COG2: variants seen among roughly 807,000 people sequenced by gnomAD.
COG2 encodes component of oligomeric golgi complex 2, also known as conserved oligomeric Golgi complex subunit 2.
Under a neutral mutation model 90.6 loss-of-function variants are expected in COG2, and 52 were observed. That is an observed-to-expected ratio of 0.57 (90% CI 0.46 to 0.72). The LOEUF (loss-of-function observed/expected upper bound fraction) is 0.72. Among genes scored for constraint, COG2 ranks in the 30% least tolerant of loss-of-function variants. The pLI, the probability that COG2 is intolerant of heterozygous loss-of-function variation, is 0.00. For synonymous variants in COG2, 337 were observed against 320.4 expected, an observed-to-expected ratio of 1.05 and a Z score of -0.55; for missense variants, 829 against 891.2, an observed-to-expected ratio of 0.93 and a Z score of 0.89.
chr1:230,685,200 G>A lies in COG2; in HGVS notation c.1344G>A (p.Leu448=). The A allele has an allele frequency of 6.2e-7, 1 of 1,614,186 alleles. No individual in the cohort carries two copies. The highest frequency in any genetic ancestry group is 8.5e-7 in the Non-Finnish European group (1 of 1,180,020). ...LLVHRLWRLT[L]QILARYSVFV... is the part of the protein sequence containing the mutation. The stretch of plus-strand genomic sequence containing the variant: ...TGCATCGCCTGTGGAGACTCACTCT[G>A]CAGATTTTGGCACGATACTCTGTGT... The change falls in exon 12 of 18, where the codon CTG becomes CTA. Residue 448 remains leucine (L), a synonymous_variant. Transcript: ENST00000366669.
At chr1:230,663,663 C>T (rs545346690) in intron 4 of COG2, among the ~76,000 whole-genome samples, 84 of 152,260 alleles carry the variant, frequency 5.5e-4, no homozygotes, top group Middle Eastern at 3.4e-3. Flanking sequence ...TGCTTTGTAA[C>T]TATTTATTTA....
intron 5 of COG2, among the ~76,000 whole-genome samples, chr1:230,667,810 G>A (rs1241857593): frequency 6.6e-6 from 1 of 152,014 alleles, no homozygotes; most frequent in African/African-American, 2.4e-5. Flanking sequence ...TCCCTAACTG[G>A]TGATGAGCCA....
chr1:230,660,726 G>GGT, intron 2 of COG2, 32 bp from the exon 3 acceptor site: 1 of 1,505,386 alleles, frequency 6.6e-7, no homozygotes, highest in Non-Finnish European at 9.0e-7. Flanking sequence ...TTGATTGTGA[G>GGT]GTGTGTGTGC....
intron 1 of COG2, among the ~76,000 whole-genome samples, chr1:230,650,535 A>G (rs1013010551): frequency 2.6e-5 from 4 of 152,044 alleles, no homozygotes; most frequent in African/African-American, 9.7e-5. Flanking sequence ...TCTTTTGCCC[A>G]CTTTTTAATG....
At chr1:230,690,261 G>T in intron 16 of COG2, 108 bp downstream of exon 16, 7 of 930,378 alleles carry the variant, frequency 7.5e-6, no homozygotes, top group Non-Finnish European at 1.2e-5. Context: ...AGACTGCCTA[G>T]CACTTCTTCA....
intron 16 of COG2, among the ~76,000 whole-genome samples, chr1:230,690,534 C>G (rs1326865690): frequency 6.6e-6 from 1 of 152,234 alleles, no homozygotes; most frequent in African/African-American, 2.4e-5. Context: ...ACTCAAAGGA[C>G]TTAGGTTGGT....
At chr1:230,646,933 C>G (rs1314961375) in intron 1 of COG2, among the ~76,000 whole-genome samples, 2 of 152,130 alleles carry the variant, frequency 1.3e-5, no homozygotes, top group Non-Finnish European at 2.9e-5. Flanking sequence ...CTCCTCTTTT[C>G]CCACTTTCTG....
chr1:230,662,360 A>G (rs1662201267), intron 3 of COG2, among the ~76,000 whole-genome samples: 1 of 152,202 alleles, frequency 6.6e-6, no homozygotes, highest in Non-Finnish European at 1.5e-5. Flanking sequence ...AATAGCTGGC[A>G]TTTAATAGGT....
intron 1 of COG2, among the ~76,000 whole-genome samples, chr1:230,644,230 G>A (rs1661701236): frequency 6.6e-6 from 1 of 152,204 alleles, no homozygotes; most frequent in Non-Finnish European, 1.5e-5. Context: ...TGAATATGCG[G>A]TACATTTTGT....
At chr1:230,681,638 G>A (rs2493142) in intron 10 of COG2, 101,669 of 152,178 alleles carry the variant, frequency 0.67, 34,690 homozygotes, top group Non-Finnish European at 0.75. Context: ...TGTATTTGGG[G>A]TTGCCCTTCT....
chr1:230,679,306 C>CCTTCCT, intron 10 of COG2: 1 of 320,458 alleles, frequency 3.1e-6, no homozygotes, highest in Non-Finnish European at 5.7e-6. Context: ...GGAGCTGACT[C>CCTTCCT]CAAGCCCAGC....
intron 12 of COG2, among the ~76,000 whole-genome samples, chr1:230,686,255 C>T (rs1662881996): frequency 6.6e-6 from 1 of 152,220 alleles, no homozygotes; most frequent in Non-Finnish European, 1.5e-5. Flanking sequence ...TTCCTCCGCT[C>T]AGAAGGGTCT....
chr1:230,653,378 G>A (rs568468183), intron 1 of COG2, among the ~76,000 whole-genome samples: 90 of 151,810 alleles, frequency 5.9e-4, no homozygotes, highest in Admixed American at 1.4e-3. Flanking sequence ...ATGCCACCAC[G>A]CCGGGCTAAT....
intron 15 of COG2, 139 bp from the exon 16 acceptor site, chr1:230,689,875 T>C: frequency 1.3e-6 from 1 of 799,038 alleles, no homozygotes; most frequent in Non-Finnish European, 1.9e-6. Flanking sequence ...CCAGTGTTAC[T>C]TTTGGGAGGG....
intron 8 of COG2, 100 bp downstream of exon 8, chr1:230,671,740 T>C (rs1243632539): frequency 2.8e-6 from 3 of 1,082,760 alleles, no homozygotes; most frequent in Non-Finnish European, 4.1e-6. Context: ...GTATGAACTG[T>C]CTTGTATGAA....
chr1:230,688,114 T>C lies in COG2; in HGVS notation c.1622T>C (p.Ile541Thr), dbSNP rs1662927499. Residue 541 changes from isoleucine to threonine, a missense_variant, in exon 14 of 18, where the codon ATT becomes ACT. Transcript: ENST00000366669. ...LEIIKPKLEM[I>T]GFKNFSSISA... ...ATAATCAAGCCAAAACTTGAAATGA[T>C]TGGCTTTAAGAATTTTTCTTCTATC... The C allele has an allele frequency of 6.2e-7, 1 of 1,600,740 alleles. No homozygotes were observed. Among genetic ancestry groups the C allele is most frequent in the Non-Finnish European group, 8.5e-7 (1 of 1,175,754 alleles).
intron 3 of COG2, 107 bp from the exon 4 acceptor site, chr1:230,663,034 T>C (rs982298313): frequency 1.4e-6 from 1 of 723,108 alleles, no homozygotes; most frequent in African/African-American, 1.8e-5. Context: ...AATATCTGTG[T>C]AATACTGGCC....
intron 9 of COG2, among the ~76,000 whole-genome samples, chr1:230,675,389 TCTAA>T (rs1662564899): frequency 6.6e-6 from 1 of 152,202 alleles, no homozygotes; most frequent in Non-Finnish European, 1.5e-5. Flanking sequence ...TACATTATTT[TCTAA>T]CTTTCTTAAA....
intron 5 of COG2, among the ~76,000 whole-genome samples, chr1:230,666,534 C>CT (rs1334902084): frequency 6.6e-6 from 1 of 152,150 alleles, no homozygotes; most frequent in Admixed American, 6.5e-5. Context: ...GATTGGGAAA[C>CT]AATGGTTTCC....
Sources: allele counts gnomAD v4.1 joint callset (sites outside exome capture counted in the v4.1 genomes callset), GRCh38; gene constraint gnomAD v4.1.1; transcripts MANE v1.5; gene names NCBI Gene and HGNC (gene_info 2026-07-23, HGNC 2026-07-21).